The following CREB5 variants were observed in gnomAD, a reference collection of about 807,000 sequenced individuals.
CREB5 encodes cAMP responsive element binding protein 5, also known as cyclic AMP-responsive element-binding protein 5.
CREB5 carries 19 observed loss-of-function variants against 57.1 expected under a neutral mutation model. The observed-to-expected ratio is 0.33, with a 90% CI of 0.23 to 0.49. The LOEUF is 0.49. CREB5 is among the 20% of genes least tolerant of loss of function. CREB5 has a pLI of 0.99. For missense variants in CREB5, 579 were observed against 671.6 expected (o/e 0.86, Z 1.52); for synonymous variants, 238 against 238.3 (o/e 1.00, Z 0.01).
rs535821915 is a variant in CREB5, at chr7:28,501,689, A to G, written c.170-5927A>G. ...CCCCTAGCTCACTCGGCCAGCAGAG[A>G]CTTGATCTCTTGGTGTTAATAACCC... is the stretch of plus-strand genomic sequence containing the variant. On this transcript the variant is annotated intron_variant, in intron 3 of 10. Transcript: ENST00000357727. Among the ~76,000 whole-genome samples, 3 of 152,272 alleles carry G rather than the reference A, an allele frequency of 2.0e-5. No individual in the cohort carries two copies. In the East Asian group the frequency reaches 5.8e-4, roughly 29 times the overall value.
At chr7:28,562,905 A>C (rs185544760) in intron 4 of CREB5, among the ~76,000 whole-genome samples, 1 of 152,226 alleles carries the variant, frequency 6.6e-6, no homozygotes, top group African/African-American at 2.4e-5. Context: ...GTCACTTTCT[A>C]CAAAAAATAT....
At position 28,560,905 on chromosome 7, in the gene CREB5, CGTGCGTGTGCGTGTGT is replaced by C. The variant is rs1562797711; in HGVS notation, c.292-9458_292-9443del. 5.1e-3 allele frequency among the ~76,000 whole-genome samples: 68 copies of C among 13,460 alleles called. 4 individuals are homozygous for C. Among genetic ancestry groups the C allele is most frequent in the African/African-American group, 6.6e-3 (14 of 2,134 alleles). 8.8% of individuals were successfully genotyped at this position (13,460 alleles called of 152,430 possible). A position where few individuals can be genotyped will look rare whatever the true frequency, so the allele number is the denominator to read the frequency against. On this transcript the variant is annotated intron_variant, in intron 4 of 10. Coordinates refer to ENST00000357727, the MANE Select transcript of CREB5 (RefSeq NM_182898.4). The stretch of plus-strand genomic sequence containing the variant: ...GTGCGTGCGTGTGTGTGCGTGCGCG[CGTGCGTGTGCGTGTGT>C]GCGCGTGCGTGTGTGCGTGCGTGTG...
chr7:28,416,338 A>G (rs1474423897), intron 1 of CREB5, among the ~76,000 whole-genome samples: 1 of 152,178 alleles, frequency 6.6e-6, no homozygotes, highest in Non-Finnish European at 1.5e-5. Flanking sequence ...AATACATGCA[A>G]CAACAACAAC....
chr7:28,748,867 G>C (rs1319865218), intron 7 of CREB5, among the ~76,000 whole-genome samples: 1 of 152,194 alleles, frequency 6.6e-6, no homozygotes, highest in African/African-American at 2.4e-5. Context: ...AGGAAAATCT[G>C]AATGAAGTTT....
At chr7:28,407,689 G>C (rs1787613191), upstream of CREB5, among the ~76,000 whole-genome samples, 1 of 152,208 alleles carries the variant, frequency 6.6e-6, no homozygotes, top group Non-Finnish European at 1.5e-5. Context: ...ATAAGGCTGT[G>C]AGGATCAAAC....
chr7:28,767,841 A>T (rs1318226181), intron 7 of CREB5, among the ~76,000 whole-genome samples: 2 of 152,262 alleles, frequency 1.3e-5, no homozygotes, highest in African/African-American at 2.4e-5. Context: ...GTTTCTAAAC[A>T]TCGGTCCTTC....
intron 5 of CREB5, among the ~76,000 whole-genome samples, chr7:28,715,726 G>A (rs1446844590): frequency 2.0e-5 from 3 of 152,168 alleles, no homozygotes; most frequent in Non-Finnish European, 4.4e-5. Flanking sequence ...GGTTTGGTAG[G>A]TGGGGGTTGG....
intron 1 of CREB5, among the ~76,000 whole-genome samples, chr7:28,480,968 A>T (rs1353422158): frequency 1.3e-5 from 2 of 152,232 alleles, no homozygotes; most frequent in African/African-American, 4.8e-5. Flanking sequence ...AAACATATGG[A>T]AAATTTAAAA....
chr7:28,445,105 A>G (rs1424305202), intron 1 of CREB5, among the ~76,000 whole-genome samples: 1 of 152,204 alleles, frequency 6.6e-6, no homozygotes, highest in African/African-American at 2.4e-5. Context: ...ACAAAAGGGC[A>G]GTTCCCCTGC....
chr7:28,443,831 C>T (rs1481574393), intron 1 of CREB5, among the ~76,000 whole-genome samples: 2 of 152,108 alleles, frequency 1.3e-5, no homozygotes, highest in East Asian at 3.9e-4. Context: ...GTTTCTCCTG[C>T]CATCAAATTC....
intron 1 of CREB5, among the ~76,000 whole-genome samples, chr7:28,442,753 A>T (rs1789252070): frequency 6.6e-6 from 1 of 152,148 alleles, no homozygotes; most frequent in African/African-American, 2.4e-5. Flanking sequence ...CACATTAATC[A>T]CTGTAATGTT....
At chr7:28,488,543 G>T (rs1410458961) in intron 2 of CREB5, among the ~76,000 whole-genome samples, 1 of 152,076 alleles carries the variant, frequency 6.6e-6, no homozygotes, top group East Asian at 1.9e-4. Context: ...AAATATGCAG[G>T]GCCATCATTT....
intron 1 of CREB5, among the ~76,000 whole-genome samples, chr7:28,415,061 G>A (rs189028540): frequency 6.6e-6 from 1 of 152,088 alleles, no homozygotes; most frequent in Admixed American, 6.5e-5. Flanking sequence ...TATTTCAGCT[G>A]CTTTCTTCTA....
At chr7:28,445,840 T>C (rs13229822) in intron 1 of CREB5, among the ~76,000 whole-genome samples, 39,312 of 152,050 alleles carry the variant, frequency 0.26, 6,161 homozygotes, top group Non-Finnish European at 0.36. Flanking sequence ...CGTGAGCCAC[T>C]GCGCCCGGCC....
chr7:28,560,939 T>TGTGCGTGC (rs1795200594), intron 4 of CREB5, among the ~76,000 whole-genome samples: 1 of 31,896 alleles, frequency 3.1e-5, no homozygotes, highest in African/African-American at 1.4e-4. Context: ...CGTGTGTGCG[T>TGTGCGTGC]GCGTGTGTGT....
chr7:28,471,091 T>C (rs1359565295), intron 1 of CREB5, among the ~76,000 whole-genome samples: 1 of 152,210 alleles, frequency 6.6e-6, no homozygotes, highest in African/African-American at 2.4e-5. Context: ...TATAATCCCA[T>C]TGGTCCATTT....
intron 7 of CREB5, among the ~76,000 whole-genome samples, chr7:28,790,456 GAGAGATAGAGAGAGA>G (rs1807615234): frequency 2.9e-5 from 1 of 34,822 alleles, no homozygotes; most frequent in Non-Finnish European, 6.7e-5. Context: ...GAGAGAGAGA[GAGAGATAGAGAGAGA>G]GAGAAAGAAA....
In CREB5 at chr7:28,804,389, C is replaced by G. The variant is rs766084100; in HGVS notation, c.893C>G (p.Ala298Gly). 1 of 1,613,848 alleles carries G rather than the reference C, an allele frequency of 6.2e-7. No individual in the cohort carries two copies. The highest frequency in any genetic ancestry group is 1.1e-5 in the South Asian group (1 of 91,038). Residue 298 changes from alanine to glycine, a missense_variant, in exon 8 of 11, where the codon GCA becomes GGA. Physicochemically the swap from Ala to Gly is moderately conservative, Grantham distance 60 (BLOSUM62 0). This residue lies in a region of CREB5 where 459 missense variants were observed against 515.7 expected (regional missense o/e 0.89). Coordinates refer to ENST00000357727, the MANE Select transcript of CREB5 (RefSeq NM_182898.4). ...HPYPHQHQHP[A>G]HHPHPQPHHQ... ...TACCCACACCAGCACCAGCACCCAG[C>G]ACACCATCCTCACCCTCAACCCCAT...
chr7:28,672,875 A>G (rs1286272627), intron 5 of CREB5, among the ~76,000 whole-genome samples: 5 of 152,232 alleles, frequency 3.3e-5, no homozygotes, highest in East Asian at 1.9e-4. Flanking sequence ...GTGAGATTGT[A>G]TTAACAAAGT....
Sources: gnomAD v4.1 joint callset for allele counts (sites outside exome capture counted in the v4.1 genomes callset) on GRCh38, gnomAD v4.1.1 for gene constraint, gnomAD v4.1.1 regional missense constraint, MANE v1.5 for transcripts, NCBI Gene and HGNC (gene_info 2026-07-23, HGNC 2026-07-21) for gene names.